RNLS: variants seen among roughly 807,000 people sequenced by gnomAD.
RNLS encodes renalase, FAD dependent amine oxidase.
Under a neutral mutation model 39.8 loss-of-function variants are expected in RNLS, and 39 were observed. The observed-to-expected ratio is 0.98, with a 90% CI of 0.76 to 1.28. RNLS has a LOEUF of 1.28. RNLS is among the 50% of genes most tolerant of loss of function. RNLS has a pLI of 0.00. For synonymous variants in RNLS, 147 were observed against 150.7 expected (o/e 0.98, Z 0.18); for missense variants, 410 against 413.3 (o/e 0.99, Z 0.07).
chr10:88,564,610 G>T (rs547555782), intron 4 of RNLS, among the ~76,000 whole-genome samples: 1 of 152,216 alleles, frequency 6.6e-6, no homozygotes, highest in East Asian at 1.9e-4. Context: ...ACAAGCTCTG[G>T]AGTCATTTTA....
chr10:88,249,240 A>G, the RNLS span, among the ~76,000 whole-genome samples: 1 of 152,122 alleles, frequency 6.6e-6, no homozygotes, highest in Non-Finnish European at 1.5e-5. Flanking sequence ...CCATGTTCTA[A>G]CTTCTGCCAG....
At chr10:88,410,122 A>C (rs1265200597) in intron 4 of RNLS, among the ~76,000 whole-genome samples, 2 of 152,154 alleles carry the variant, frequency 1.3e-5, no homozygotes, top group African/African-American at 4.8e-5. Context: ...TTTGATCTAT[A>C]TTAGGACAAT....
rs149926556 is a variant in RNLS, at chr10:88,547,475, A to G, written c.526+25428T>C. Among the ~76,000 whole-genome samples, 437 of 152,366 alleles carry G rather than the reference A, an allele frequency of 2.9e-3. 2 individuals carry two copies. Among genetic ancestry groups the G allele is most frequent in the Middle Eastern group, 0.027 (8 of 294 alleles). ...GAGAAATACAGATAAAATAGACTAT[A>G]TCTGGGTTAAAGTAAATATATTTCC... On this transcript the variant is annotated intron_variant, in intron 4 of 6. Coordinates refer to ENST00000331772, the MANE Select transcript of RNLS (RefSeq NM_001031709.3).
At chr10:88,332,307 T>A (rs972600134) in intron 5 of RNLS, among the ~76,000 whole-genome samples, 1 of 152,238 alleles carries the variant, frequency 6.6e-6, no homozygotes, top group African/African-American at 2.4e-5. Flanking sequence ...AATTTTACAG[T>A]TTTAATTGAA....
At chr10:88,175,821 G>A in the RNLS span, among the ~76,000 whole-genome samples, 1 of 152,148 alleles carries the variant, frequency 6.6e-6, no homozygotes, top group African/African-American at 2.4e-5. Context: ...TGTGTTCAAT[G>A]CTGAAAGTGG....
At chr10:88,455,718 T>C (rs1327715746) in intron 4 of RNLS, among the ~76,000 whole-genome samples, 10 of 152,198 alleles carry the variant, frequency 6.6e-5, no homozygotes, top group Non-Finnish European at 1.5e-4. Context: ...TAATTAATTT[T>C]AAATCCTCCC....
chr10:88,477,479 G>T (rs892476599), intron 4 of RNLS, among the ~76,000 whole-genome samples: 2 of 152,130 alleles, frequency 1.3e-5, no homozygotes, highest in Non-Finnish European at 2.9e-5. Context: ...TGGGGAAGAG[G>T]ATGATGGTGA....
chr10:88,275,180 C>A, intron 6 of RNLS: 1 of 542,976 alleles, frequency 1.8e-6, no homozygotes. Flanking sequence ...GGTGGTCTTG[C>A]TAACTTTTTG....
chr10:88,275,080 T>A, intron 6 of RNLS: 1 of 1,369,050 alleles, frequency 7.3e-7, no homozygotes, highest in South Asian at 1.2e-5. Context: ...CCCAACACAA[T>A]GGCCTCTGAC....
chr10:88,396,105 CTAA>C (rs904406015), intron 4 of RNLS, among the ~76,000 whole-genome samples: 23 of 151,898 alleles, frequency 1.5e-4, no homozygotes, highest in African/African-American at 5.1e-4. Flanking sequence ...GTCCTTCAGG[CTAA>C]AATGAAAGGT....
At chr10:88,458,362 A>T (rs959852722) in intron 4 of RNLS, among the ~76,000 whole-genome samples, 1 of 152,118 alleles carries the variant, frequency 6.6e-6, no homozygotes, top group African/African-American at 2.4e-5. Context: ...CCTCACGCAC[A>T]GTTCCTTCCT....
intron 4 of RNLS, among the ~76,000 whole-genome samples, chr10:88,553,575 GCA>G (rs1274775405): frequency 6.6e-6 from 1 of 152,146 alleles, no homozygotes; most frequent in Non-Finnish European, 1.5e-5. Context: ...TCATGACAAA[GCA>G]CAGTCTCCAT....
chr10:88,172,224 T>C, the RNLS span, among the ~76,000 whole-genome samples: 1 of 152,196 alleles, frequency 6.6e-6, no homozygotes, highest in Non-Finnish European at 1.5e-5. Context: ...AGTAGTTCTA[T>C]TTTTAGTTTT....
chr10:88,254,733 A>G, the RNLS span, among the ~76,000 whole-genome samples: 3 of 152,240 alleles, frequency 2.0e-5, no homozygotes, highest in African/African-American at 7.2e-5. Context: ...TCAATCACCT[A>G]ACGAGCTAAC....
chr10:88,429,923 A>T (rs1365963765), intron 4 of RNLS, among the ~76,000 whole-genome samples: 3 of 151,754 alleles, frequency 2.0e-5, no homozygotes. Flanking sequence ...TAGCTTTATG[A>T]TATTCTTGAA....
At chr10:88,372,047 A>C (rs948996398) in intron 4 of RNLS, among the ~76,000 whole-genome samples, 2 of 152,180 alleles carry the variant, frequency 1.3e-5, no homozygotes, top group Non-Finnish European at 2.9e-5. Context: ...ATAATACTTA[A>C]TAGATCATGA....
At chr10:88,183,800 C>A in the RNLS span, among the ~76,000 whole-genome samples, 2 of 152,114 alleles carry the variant, frequency 1.3e-5, no homozygotes, top group Non-Finnish European at 2.9e-5. Flanking sequence ...CTTGACCAAT[C>A]AGGATGTTTC....
chr10:88,460,177 A>T (rs1001672602), intron 4 of RNLS, among the ~76,000 whole-genome samples: 13 of 152,186 alleles, frequency 8.5e-5, no homozygotes, highest in African/African-American at 3.1e-4. Context: ...GTGGCCATGC[A>T]AGATGCTAGT....
the RNLS span, among the ~76,000 whole-genome samples, chr10:88,267,262 G>A: frequency 1.3e-5 from 2 of 152,154 alleles, no homozygotes; most frequent in Non-Finnish European, 2.9e-5. Flanking sequence ...AACCCAGGAA[G>A]CAATATATAA....
Sources: gnomAD v4.1 joint callset for allele counts (sites outside exome capture counted in the v4.1 genomes callset) on GRCh38, gnomAD v4.1.1 for gene constraint, MANE v1.5 for transcripts, NCBI Gene and HGNC (gene_info 2026-07-23, HGNC 2026-07-21) for gene names.